GNPAT: variants seen among roughly 807,000 people sequenced by gnomAD.
GNPAT encodes the protein glyceronephosphate O-acyltransferase.
In GNPAT, 30 loss-of-function variants were observed where a neutral mutation model predicts 78.4. The observed-to-expected ratio is 0.38, with a 90% CI of 0.29 to 0.52. The LOEUF is 0.52. Ranked by LOEUF, GNPAT falls within the 20% of genes least tolerant of loss-of-function variation. The probability of loss-of-function intolerance (pLI) is 0.84; values close to 1 mark genes in which losing one functional copy is unlikely to be tolerated. For synonymous variants in GNPAT, 271 were observed against 281.1 expected (o/e 0.96, Z 0.36); for missense variants, 714 against 812.2 (o/e 0.88, Z 1.47).
intron 5 of GNPAT, 25 bp from the exon 6 acceptor site, chr1:231,265,687 T>C: frequency 1.0e-5 from 14 of 1,397,640 alleles, no homozygotes; most frequent in Non-Finnish European, 1.4e-5. Context: ...ATGGGTTTTG[T>C]GTTTTGTTTG....
At position 231,275,419 on chromosome 1, in the gene GNPAT, TA is replaced by T; in HGVS notation, c.1859del (p.Tyr620LeufsTer13). The T allele has an allele frequency of 6.2e-7, 1 of 1,609,280 alleles. No individual in the cohort carries two copies. The highest frequency in any genetic ancestry group is 8.5e-7 in the Non-Finnish European group (1 of 1,175,564). On this transcript the variant is annotated frameshift_variant, in exon 14 of 16. Transcript: ENST00000366647. LOFTEE classifies it high-confidence loss of function. ...CCCAATTTTAGGTACCTCTCAATGT[TA>T]TGATGTATTATCTTCTGATGTGCAG... ...QLLDQGTSQC[Y>X]DVLSSDVQKN...
Position 231,270,830 on chromosome 1 carries a change from A to G in GNPAT, c.1352A>G (p.Asp451Gly). 1 of 1,614,098 alleles carries G rather than the reference A, an allele frequency of 6.2e-7. No individual in the cohort carries two copies. The highest frequency in any genetic ancestry group is 1.1e-5 in the South Asian group (1 of 91,078). Reference protein sequence around the residue: ...LHSNIASLVKDQVILKVDSGD... With the variant: ...LHSNIASLVKGQVILKVDSGD... ...TCCAACATTGCCAGCCTTGTCAAAG[A>G]CCAGGTGATTCTGAAAGTGGACTCC... Residue 451 changes from aspartate to glycine, a missense_variant, in exon 10 of 16, where the codon GAC becomes GGC. Physicochemically the swap from Asp to Gly is moderately conservative, Grantham distance 94. Coordinates refer to ENST00000366647, the MANE Select transcript of GNPAT (RefSeq NM_014236.4).
intron 1 of GNPAT, among the ~76,000 whole-genome samples, chr1:231,244,058 G>A (rs1253192171): frequency 3.9e-5 from 6 of 152,076 alleles, no homozygotes; most frequent in Admixed American, 3.3e-4. Context: ...ACAGTTGCCT[G>A]CCACCACACC....
intron 2 of GNPAT, among the ~76,000 whole-genome samples, chr1:231,252,419 G>A (rs1234192907): frequency 6.6e-6 from 1 of 152,184 alleles, no homozygotes; most frequent in Non-Finnish European, 1.5e-5. Flanking sequence ...TCAAAATGAA[G>A]GTATTTGGTG....
At chr1:231,271,100 C>A in intron 10 of GNPAT, 100 bp downstream of exon 10, 1 of 1,319,428 alleles carries the variant, frequency 7.6e-7, no homozygotes, top group Non-Finnish European at 1.1e-6. Flanking sequence ...CAGCCTCACG[C>A]CGGTGAAGAG....
chr1:231,252,694 T>C (rs1684931330), intron 2 of GNPAT, among the ~76,000 whole-genome samples: 1 of 152,114 alleles, frequency 6.6e-6, no homozygotes, highest in African/African-American at 2.4e-5. Context: ...CTAAGGAATA[T>C]GCTCTCTCCT....
Position 231,270,788 on chromosome 1 carries a change from C to G in GNPAT, c.1310C>G (p.Ala437Gly), listed in dbSNP as rs1246328988. Residue 437 changes from alanine to glycine, a missense_variant, in exon 10 of 16, where the codon GCC becomes GGC. Transcript: ENST00000366647. Reference sequence around the variant, plus strand: ...AAACCTGCTGAAGAAGTTGTCCCGGCCAGCATTCTTCTGCATTCCAACATT... The same window carrying G: ...AAACCTGCTGAAGAAGTTGTCCCGGGCAGCATTCTTCTGCATTCCAACATT... The part of the protein sequence containing the change: ...DNKPAEEVVP[A>G]SILLHSNIAS... 6.2e-7 allele frequency: 1 copy of G among 1,613,986 alleles called. No individual in the cohort carries two copies. The highest frequency in any genetic ancestry group is 8.5e-7 in the Non-Finnish European group (1 of 1,179,858).
rs1392714385 is a variant in GNPAT, at chr1:231,241,438, T to C, written c.60T>C (p.Ala20=). The C allele has an allele frequency of 6.2e-7, 1 of 1,613,134 alleles. No homozygotes were observed. Among genetic ancestry groups the C allele is most frequent in the South Asian group, 1.1e-5 (1 of 91,056 alleles). Residue 20 remains alanine, a synonymous_variant, in exon 1 of 16, where the codon GCT becomes GCC. Transcript: ENST00000366647. The part of the protein sequence containing the change: ...YFSVGPTSPS[A]VVLLYSKELK... Reference sequence around the variant, plus strand: ...CCGTTGGCCCAACCAGTCCCAGCGCTGTCGTGCTCCTCTACTCGGTAGGCG... The same window carrying C: ...CCGTTGGCCCAACCAGTCCCAGCGCCGTCGTGCTCCTCTACTCGGTAGGCG...
At chr1:231,255,536 G>A (rs1445610795) in intron 2 of GNPAT, among the ~76,000 whole-genome samples, 9 of 152,092 alleles carry the variant, frequency 5.9e-5, no homozygotes, top group African/African-American at 2.2e-4. Context: ...CGATCTTCCT[G>A]CCCCAGCCTC....
intron 2 of GNPAT, chr1:231,258,365 C>G (rs1487331283): frequency 6.6e-6 from 1 of 152,276 alleles, no homozygotes; most frequent in Non-Finnish European, 1.5e-5. Flanking sequence ...CCATCTGTCC[C>G]TTTTAGTCCA....
At chr1:231,253,125 C>T (rs751463585) in intron 2 of GNPAT, among the ~76,000 whole-genome samples, 25 of 152,130 alleles carry the variant, frequency 1.6e-4, no homozygotes, top group African/African-American at 3.6e-4. Flanking sequence ...CCAGCCGCCA[C>T]GCCCGGCTAA....
chr1:231,277,424 C>T lies in GNPAT; in HGVS notation c.2000-75C>T, dbSNP rs917998797. 1.9e-5 allele frequency: 17 copies of T among 878,346 alleles called. No individual in the cohort carries two copies. In the African/African-American group the frequency reaches 2.6e-4, roughly 14 times the overall value. The allele number at this position is 878,346 out of a possible 1,614,324, so 54.4% of individuals were successfully genotyped here. On this transcript the variant is annotated intron_variant, in intron 15 of 15. Transcript: ENST00000366647. Reference sequence around the variant, plus strand: ...GTCTCCAGCTTCTCCCCTGGACAGTCGCCCAAGGAACAGCTGTATGAGGAA... The same window carrying T: ...GTCTCCAGCTTCTCCCCTGGACAGTTGCCCAAGGAACAGCTGTATGAGGAA...
rs865818573 is a variant in GNPAT at position 231,266,050 on chromosome 1, G to C, written c.809G>C (p.Arg270Thr). The change falls in exon 7 of 16, where the codon AGA becomes ACA. Residue 270 changes from arginine to threonine, a missense_variant. Coordinates refer to ENST00000366647, the MANE Select transcript of GNPAT (RefSeq NM_014236.4). ...ATTGTGATGGAGCCATTTTTTAAAAGAGAAGTTTTTGATACCTACCTTGTC... is the reference window on the plus strand; with the variant it reads ...ATTGTGATGGAGCCATTTTTTAAAACAGAAGTTTTTGATACCTACCTTGTC... Reference protein sequence around the residue: ...LNIVMEPFFKREVFDTYLVPI... With the variant: ...LNIVMEPFFKTEVFDTYLVPI... 6.2e-7 allele frequency: 1 copy of C among 1,612,828 alleles called. No homozygotes were observed. The highest frequency in any genetic ancestry group is 1.7e-4 in the Middle Eastern group (1 of 6,024).
At chr1:231,277,269 C>T (rs1481726527) in intron 15 of GNPAT, among the ~76,000 whole-genome samples, 2 of 152,276 alleles carry the variant, frequency 1.3e-5, no homozygotes, top group African/African-American at 4.8e-5. Flanking sequence ...GAAAACATGA[C>T]GGGGTTCAAC....
At chr1:231,270,644 C>G in intron 9 of GNPAT, 114 bp from the exon 10 acceptor site, 1 of 1,018,946 alleles carries the variant, frequency 9.8e-7, no homozygotes, top group Non-Finnish European at 1.6e-6. Context: ...ACAGTAAAAC[C>G]TGTCACTTGA....
intron 1 of GNPAT, among the ~76,000 whole-genome samples, chr1:231,249,327 T>A (rs1684830476): frequency 6.6e-6 from 1 of 152,260 alleles, no homozygotes; most frequent in African/African-American, 2.4e-5. Context: ...TGTTCATGTT[T>A]GTATGTTTCA....
chr1:231,253,792 CA>C (rs1684965675), intron 2 of GNPAT, among the ~76,000 whole-genome samples: 1 of 152,132 alleles, frequency 6.6e-6, no homozygotes, highest in Admixed American at 6.5e-5. Flanking sequence ...TCTCTTTTTT[CA>C]CTGCCGTATT....
intron 2 of GNPAT, among the ~76,000 whole-genome samples, chr1:231,254,772 C>T (rs1463405750): frequency 2.8e-4 from 40 of 145,386 alleles, no homozygotes; most frequent in African/African-American, 9.4e-4. Context: ...TTTTTTTTTG[C>T]GACAGAGTCT....
Position 231,241,332 on chromosome 1 carries a change from C to T in GNPAT, c.-47C>T, listed in dbSNP as rs201907247. The stretch of plus-strand genomic sequence containing the variant: ...ACCGCCCCCAGCAGGAGCACCACCA[C>T]GGCTTAGCAAAGAATCCCAGACCCC... On this transcript the variant is annotated 5_prime_UTR_variant, in exon 1 of 16. It adds an upstream start codon to the 5' untranslated region. Transcript: ENST00000366647. 8 of 1,521,032 alleles carry T rather than the reference C, an allele frequency of 5.3e-6. No homozygotes were observed. In the East Asian group the frequency reaches 6.8e-5, roughly 13 times the overall value. The allele number at this position is 1,521,032 out of a possible 1,614,324, so 94.2% of individuals were successfully genotyped here. A position where few individuals can be genotyped will look rare whatever the true frequency, so the allele number is the denominator to read the frequency against.
Sources: gnomAD v4.1 joint callset for allele counts (sites outside exome capture counted in the v4.1 genomes callset) on GRCh38, gnomAD v4.1.1 for gene constraint, MANE v1.5 for transcripts, NCBI Gene and HGNC (gene_info 2026-07-23, HGNC 2026-07-21) for gene names.